The following ZNF475 variants were observed in gnomAD, a reference collection of about 807,000 sequenced individuals.
The protein encoded by ZNF475 is zinc finger protein 475.
chr5:122,176,702 T>C, the ZNF475 span, among the ~76,000 whole-genome samples: 4 of 152,200 alleles, frequency 2.6e-5, no homozygotes, highest in African/African-American at 9.6e-5. Context: ...TGCCCTTTTC[T>C]TGTGGCAGAA....
the ZNF475 span, among the ~76,000 whole-genome samples, chr5:122,172,525 A>C: frequency 6.6e-6 from 1 of 152,210 alleles, no homozygotes; most frequent in African/African-American, 2.4e-5. Flanking sequence ...TCATATCCAC[A>C]GTTCTGTATA....
chr5:122,179,199 C>A, the ZNF475 span, among the ~76,000 whole-genome samples: 1 of 152,038 alleles, frequency 6.6e-6, no homozygotes, highest in Admixed American at 6.5e-5. Context: ...CTTCTTTTTG[C>A]TTAGGATTGT....
At chr5:122,170,747 T>A in the ZNF475 span, among the ~76,000 whole-genome samples, 5 of 152,208 alleles carry the variant, frequency 3.3e-5, no homozygotes, top group African/African-American at 1.2e-4. Flanking sequence ...CGAGTAGAGC[T>A]GAAATTTCCA....
chr5:122,176,164 A>G, the ZNF475 span, among the ~76,000 whole-genome samples: 1 of 152,156 alleles, frequency 6.6e-6, no homozygotes, highest in Non-Finnish European at 1.5e-5. Context: ...TTTAACTGCA[A>G]ATTTGAACCT....
At chr5:122,180,600 C>T in the ZNF475 span, among the ~76,000 whole-genome samples, 1 of 152,198 alleles carries the variant, frequency 6.6e-6, no homozygotes, top group South Asian at 2.1e-4. Context: ...AGTAGATCCC[C>T]TAAACCATCT....
At chr5:122,164,376 G>A in the ZNF475 span, among the ~76,000 whole-genome samples, 16 of 152,214 alleles carry the variant, frequency 1.1e-4, no homozygotes, top group African/African-American at 3.9e-4. Context: ...CCTGTTGGTT[G>A]AAATGGCTGT....
chr5:122,179,175 C>T, the ZNF475 span, among the ~76,000 whole-genome samples: 1 of 152,154 alleles, frequency 6.6e-6, no homozygotes, highest in African/African-American at 2.4e-5. Context: ...TGGTGTGCTG[C>T]TTCCAGCTTT....
the ZNF475 span, among the ~76,000 whole-genome samples, chr5:122,170,051 G>A: frequency 3.9e-5 from 6 of 152,160 alleles, no homozygotes; most frequent in Admixed American, 2.0e-4. Context: ...CATCATACAA[G>A]TATTTAACTG....
At chr5:122,169,455 G>T in the ZNF475 span, among the ~76,000 whole-genome samples, 1 of 152,196 alleles carries the variant, frequency 6.6e-6, no homozygotes, top group Non-Finnish European at 1.5e-5. Context: ...GGAAGTAGAT[G>T]AATGAAGGCA....
At chr5:122,180,095 C>A in the ZNF475 span, 2 of 152,534 alleles carry the variant, frequency 1.3e-5, no homozygotes, top group East Asian at 1.9e-4. Flanking sequence ...TTAAAAAAAA[C>A]CTTTGGGAAC....
the ZNF475 span, among the ~76,000 whole-genome samples, chr5:122,170,671 T>G: frequency 2.0e-5 from 3 of 152,164 alleles, no homozygotes; most frequent in Admixed American, 2.0e-4. Flanking sequence ...CAGAGATAAT[T>G]GATTAAATCA....
At chr5:122,169,610 A>G in the ZNF475 span, among the ~76,000 whole-genome samples, 1 of 152,224 alleles carries the variant, frequency 6.6e-6, no homozygotes, top group Non-Finnish European at 1.5e-5. Flanking sequence ...GTAGCCACAG[A>G]GAACCATAAA....
the ZNF475 span, among the ~76,000 whole-genome samples, chr5:122,175,607 T>A: frequency 6.6e-5 from 10 of 152,158 alleles, no homozygotes; most frequent in Non-Finnish European, 1.2e-4. Flanking sequence ...TCTCTGAAGA[T>A]CACTTTATCT....
At chr5:122,164,775 C>T in the ZNF475 span, among the ~76,000 whole-genome samples, 2 of 152,122 alleles carry the variant, frequency 1.3e-5, no homozygotes, top group Non-Finnish European at 1.5e-5. Flanking sequence ...TGAGTTCAAA[C>T]ATGTTAGAGG....
the ZNF475 span, among the ~76,000 whole-genome samples, chr5:122,173,478 T>C: frequency 6.6e-6 from 1 of 152,212 alleles, no homozygotes; most frequent in African/African-American, 2.4e-5. Flanking sequence ...AATGAAGGGA[T>C]GGATGCCAGG....
At chr5:122,163,167 C>T in the ZNF475 span, 1 of 152,220 alleles carries the variant, frequency 6.6e-6, no homozygotes, top group Non-Finnish European at 1.5e-5. Flanking sequence ...TGCCACTTCA[C>T]AGGAGACCCA....
At chr5:122,181,786 A>T in the ZNF475 span, among the ~76,000 whole-genome samples, 1 of 152,198 alleles carries the variant, frequency 6.6e-6, no homozygotes, top group African/African-American at 2.4e-5. Context: ...TAAATGCCAC[A>T]TTGTTTCTCT....
chr5:122,182,570 T>C, the ZNF475 span: 1 of 1,535,742 alleles, frequency 6.5e-7, no homozygotes, highest in South Asian at 1.2e-5. Flanking sequence ...CCTGTAATGT[T>C]TGTGGGCGTA....
the ZNF475 span, among the ~76,000 whole-genome samples, chr5:122,177,772 T>A: frequency 6.6e-6 from 1 of 152,146 alleles, no homozygotes; most frequent in African/African-American, 2.4e-5. Context: ...ATACTTTAAG[T>A]TCTGGGATAC....
Sources: allele counts gnomAD v4.1 joint callset (sites outside exome capture counted in the v4.1 genomes callset), GRCh38; gene constraint gnomAD v4.1.1; transcripts MANE v1.5; gene names NCBI Gene and HGNC (gene_info 2026-07-23, HGNC 2026-07-21).